The following HOOK1 variants were observed in gnomAD, a reference collection of about 807,000 sequenced individuals.
HOOK1 encodes hook microtubule tethering protein 1.
HOOK1 carries 60 observed loss-of-function variants against 112.8 expected under a neutral mutation model. The observed-to-expected ratio is 0.53, with a 90% CI of 0.43 to 0.66. The LOEUF is 0.66. Ranked by LOEUF, HOOK1 falls within the 30% of genes least tolerant of loss-of-function variation. HOOK1 has a pLI of 0.00. For missense variants in HOOK1, 770 were observed against 856.0 expected (o/e 0.90, Z 1.25); for synonymous variants, 294 against 283.8 (o/e 1.04, Z -0.36).
At chr1:59,851,066 A>G (rs1031083088) in intron 12 of HOOK1, among the ~76,000 whole-genome samples, 1 of 151,482 alleles carries the variant, frequency 6.6e-6, no homozygotes, top group Non-Finnish European at 1.5e-5. Flanking sequence ...TATATTGATT[A>G]TTGATTACTG....
At chr1:59,815,334 C>T (rs1055136060) in intron 1 of HOOK1, 154 bp downstream of exon 1, 3 of 695,974 alleles carry the variant, frequency 4.3e-6, no homozygotes, top group Non-Finnish European at 7.0e-6. Context: ...AGAATGCCAC[C>T]TGCGGGTCGA....
rs568821810 is a variant in HOOK1 at position 59,832,087 on chromosome 1, T to C, written c.223-76T>C. On this transcript the variant is annotated intron_variant, in intron 3 of 21. Transcript: ENST00000371208. ...TTCTTTTTAATTAGGGGAAAGTTTT[T>C]ATTGTCTTTCATGCTGACATAACTT... The C allele has an allele frequency of 1.0e-5, 8 of 794,288 alleles. No individual in the cohort carries two copies. In the African/African-American group the frequency reaches 1.2e-4, roughly 12 times the overall value. The allele number at this position is 794,288 out of a possible 1,614,324, so 49.2% of individuals were successfully genotyped here.
chr1:59,827,554 A>G (rs143603258), intron 2 of HOOK1, among the ~76,000 whole-genome samples: 129 of 152,352 alleles, frequency 8.5e-4, no homozygotes, highest in Non-Finnish European at 1.5e-3. Flanking sequence ...GCATTTACAC[A>G]TTTAGATAAA....
Position 59,840,317 on chromosome 1 carries a change from G to A in HOOK1, c.547G>A (p.Ala183Thr), listed in dbSNP as rs751616966. 6.3e-7 allele frequency: 1 copy of A among 1,578,782 alleles called. No individual in the cohort carries two copies. The highest frequency in any genetic ancestry group is 1.2e-5 in the South Asian group (1 of 83,564). The change falls in exon 8 of 22, where the codon GCC becomes ACC. Residue 183 changes from alanine (A) to threonine (T), a missense_variant. Ala to Thr is a moderately conservative substitution (Grantham distance 58). This residue lies in a region of HOOK1 where 655 missense variants were observed against 725.9 expected (regional missense o/e 0.90). Transcript: ENST00000371208. ...ACATTTTGTATTTCAGCTTAAAAGA[G>A]CCTTGGAAGAACTTCAGGAAGCACT... is the stretch of plus-strand genomic sequence containing the variant. ...VGELEQQLKRALEELQEALAE... is the reference protein window; with the variant it reads ...VGELEQQLKRTLEELQEALAE...
At position 59,858,480 on chromosome 1, in the gene HOOK1, G is replaced by T. The variant is rs778737900; in HGVS notation, c.1295G>T (p.Cys432Phe). The part of the protein sequence containing the change: ...TLKETNEELR[C>F]SQVQQDHLNQ... ...AAAGAAACAAATGAAGAGCTTCGATGTTCACAAGTACAACAGGACCACCTA... is the reference window on the plus strand; with the variant it reads ...AAAGAAACAAATGAAGAGCTTCGATTTTCACAAGTACAACAGGACCACCTA... The change falls in exon 13 of 22, where the codon TGT becomes TTT. Residue 432 changes from cysteine (C) to phenylalanine (F), a missense_variant. Cys to Phe is a radical substitution (Grantham distance 205). Coordinates refer to ENST00000371208, the MANE Select transcript of HOOK1 (RefSeq NM_015888.6). 1.5e-5 allele frequency: 24 copies of T among 1,613,204 alleles called. No homozygotes were observed. The South Asian group carries it at 2.5e-4, about 17-fold the overall frequency.
chr1:59,871,494 C>T (rs1644054631), intron 21 of HOOK1, among the ~76,000 whole-genome samples: 2 of 152,146 alleles, frequency 1.3e-5, no homozygotes, highest in African/African-American at 4.8e-5. Flanking sequence ...CTTCTAGTTA[C>T]TCAGTATTTA....
chr1:59,848,567 G>C, intron 11 of HOOK1, 51 bp downstream of exon 11: 1 of 1,317,478 alleles, frequency 7.6e-7, no homozygotes, highest in Non-Finnish European at 1.1e-6. Context: ...GTTTAACTTT[G>C]TTATTCCTTT....
intron 3 of HOOK1, among the ~76,000 whole-genome samples, chr1:59,831,419 A>G (rs1267006591): frequency 1.3e-5 from 2 of 152,130 alleles, no homozygotes; most frequent in Non-Finnish European, 2.9e-5. Flanking sequence ...GGCCTGTATA[A>G]TCTTTGGGAA....
At chr1:59,837,540 A>T (rs1046454407) in intron 7 of HOOK1, among the ~76,000 whole-genome samples, 1 of 152,208 alleles carries the variant, frequency 6.6e-6, no homozygotes, top group Non-Finnish European at 1.5e-5. Flanking sequence ...AAATGTAAAC[A>T]TGCTGTGTTT....
rs2102075151 is a variant in HOOK1 at position 59,868,254 on chromosome 1, T to C, written c.1850T>C (p.Ile617Thr). Residue 617 changes from isoleucine to threonine, a missense_variant, in exon 20 of 22, where the codon ATA becomes ACA. This residue lies in a region of HOOK1 where 655 missense variants were observed against 725.9 expected (regional missense o/e 0.90). Transcript: ENST00000371208. The stretch of plus-strand genomic sequence containing the variant: ...AGTATTTTTTTCTTTAAACAGGTAA[T>C]AAAAACTTTGGATCCCAAGTTAAAT... ...KMYLEKARNV[I>T]KTLDPKLNPA... 6.3e-7 allele frequency: 1 copy of C among 1,577,186 alleles called. No homozygotes were observed. The highest frequency in any genetic ancestry group is 8.7e-7 in the Non-Finnish European group (1 of 1,148,706).
intron 12 of HOOK1, among the ~76,000 whole-genome samples, chr1:59,857,203 A>G (rs990994451): frequency 3.9e-5 from 6 of 152,176 alleles, no homozygotes; most frequent in African/African-American, 7.2e-5. Flanking sequence ...AACAGTGACA[A>G]TTCTCTGTGG....
chr1:59,866,844 T>G (rs375471275), intron 19 of HOOK1, among the ~76,000 whole-genome samples: 66 of 152,308 alleles, frequency 4.3e-4, no homozygotes, highest in African/African-American at 1.5e-3. Flanking sequence ...TCATTTCCTT[T>G]TCCTTTTTTG....
intron 9 of HOOK1, among the ~76,000 whole-genome samples, chr1:59,845,533 G>A (rs1458723839): frequency 6.6e-6 from 1 of 151,582 alleles, no homozygotes; most frequent in Non-Finnish European, 1.5e-5. Flanking sequence ...GTCAGATTGA[G>A]GAAATTCCCC....
At chr1:59,834,148 C>A (rs618716) in intron 5 of HOOK1, among the ~76,000 whole-genome samples, 4,863 of 152,278 alleles carry the variant, frequency 0.032, 134 homozygotes, top group Admixed American at 0.087. Context: ...GGCTTTAATC[C>A]GTTTCGGTGG....
At chr1:59,851,665 T>G (rs1445455481) in intron 12 of HOOK1, among the ~76,000 whole-genome samples, 1 of 151,690 alleles carries the variant, frequency 6.6e-6, no homozygotes, top group Non-Finnish European at 1.5e-5. Flanking sequence ...CTTGCTAAGT[T>G]GTACTGGCTA....
intron 6 of HOOK1, among the ~76,000 whole-genome samples, chr1:59,835,730 G>T (rs1043370913): frequency 4.6e-5 from 7 of 152,140 alleles, no homozygotes; most frequent in Admixed American, 1.3e-4. Context: ...GTGGCGGGCA[G>T]GGGGAAGGTT....
rs1644088858 is a variant in HOOK1 at position 59,873,424 on chromosome 1, A to G, written c.*459A>G. ...AGGCAGGGACATGGAGAACTATGCA[A>G]GGGTGATTTCTTTGACTTAATATAT... On this transcript the variant is annotated 3_prime_UTR_variant, in exon 22 of 22. Transcript: ENST00000371208. 1 of 152,088 alleles carries G rather than the reference A, an allele frequency of 6.6e-6. No individual in the cohort carries two copies. The highest frequency in any genetic ancestry group is 2.1e-4 in the South Asian group (1 of 4,830). 9.4% of individuals were successfully genotyped at this position (152,088 alleles called of 1,614,324 possible).
intron 9 of HOOK1, among the ~76,000 whole-genome samples, chr1:59,846,005 T>G (rs6657450): frequency 0.15 from 22,264 of 151,806 alleles, 2,501 homozygotes; most frequent in African/African-American, 0.32. Flanking sequence ...TTTGTGAGTG[T>G]GTTTTTCCTG....
intron 1 of HOOK1, among the ~76,000 whole-genome samples, chr1:59,818,811 A>G (rs920642548): frequency 5.9e-5 from 9 of 152,136 alleles, no homozygotes; most frequent in African/African-American, 2.2e-4. Context: ...TTTTTTTTGT[A>G]ATGAGCAGCT....
Sources: allele counts gnomAD v4.1 joint callset (sites outside exome capture counted in the v4.1 genomes callset), GRCh38; gene constraint gnomAD v4.1.1; regional missense constraint gnomAD v4.1.1; transcripts MANE v1.5; gene names NCBI Gene and HGNC (gene_info 2026-07-23, HGNC 2026-07-21).